The following SEMA6A variants were observed in gnomAD, a reference collection of about 807,000 sequenced individuals.
The protein encoded by SEMA6A is semaphorin-6A.
SEMA6A carries 25 observed loss-of-function variants against 96.8 expected under a neutral mutation model. The ratio of observed to expected loss-of-function variants is 0.26; its 90% CI spans 0.19 to 0.36. The LOEUF (loss-of-function observed/expected upper bound fraction) is 0.36, where lower values mean the gene tolerates loss of function less well. Among genes scored for constraint, SEMA6A ranks in the 10% least tolerant of loss-of-function variants. SEMA6A has a pLI of 1.00. For missense variants in SEMA6A, 1,363 were observed against 1,323.1 expected (o/e 1.03, Z -0.47); for synonymous variants, 612 against 518.0 (o/e 1.18, Z -2.46).
chr5:116,527,927 G>T (rs1303564603), intron 1 of SEMA6A, among the ~76,000 whole-genome samples: 1 of 150,890 alleles, frequency 6.6e-6, no homozygotes, highest in African/African-American at 2.5e-5. Context: ...CATATTAAAA[G>T]AAGAACAAAG....
chr5:116,551,635 C>CAG (rs1760413674), intron 1 of SEMA6A, among the ~76,000 whole-genome samples: 1 of 152,142 alleles, frequency 6.6e-6, no homozygotes, highest in Non-Finnish European at 1.5e-5. Flanking sequence ...CAGGCACTGG[C>CAG]TTCTCTGCAG....
intron 12 of SEMA6A, 38 bp from the exon 13 acceptor site, chr5:116,478,756 G>T (rs759545097): frequency 4.4e-6 from 7 of 1,596,166 alleles, no homozygotes; most frequent in African/African-American, 1.3e-5. Flanking sequence ...CTCTTTGTTG[G>T]TCTATCATTA....
Position 116,467,517 on chromosome 5 carries a change from T to C in SEMA6A, c.1894+66A>G, listed in dbSNP as rs989582082. On this transcript the variant is annotated intron_variant, in intron 18 of 18. Transcript: ENST00000343348. ...GCTGCCAAAATTCAGCTGGAAGCAG[T>C]TACACAGTCCTCCCCACTTTTCCCT... The C allele has an allele frequency of 7.4e-6, 11 of 1,488,856 alleles. No individual in the cohort carries two copies. In the Admixed American group the frequency reaches 2.5e-4, roughly 34 times the overall value. 92.2% of individuals were successfully genotyped at this position (1,488,856 alleles called of 1,614,324 possible).
At chr5:116,472,537 C>T (rs1290960821) in intron 17 of SEMA6A, 1 of 205,980 alleles carries the variant, frequency 4.9e-6, no homozygotes, top group Non-Finnish European at 9.6e-6. Flanking sequence ...AGCTGAGGAG[C>T]TATAGTCTAT....
intron 1 of SEMA6A, among the ~76,000 whole-genome samples, chr5:116,525,647 T>C (rs1043499672): frequency 6.6e-6 from 1 of 152,202 alleles, no homozygotes; most frequent in African/African-American, 2.4e-5. Flanking sequence ...AACGGCAGTT[T>C]GGTGTTTAAC....
chr5:116,485,322 C>A (rs1341631968), intron 10 of SEMA6A, among the ~76,000 whole-genome samples: 1 of 152,178 alleles, frequency 6.6e-6, no homozygotes, highest in Non-Finnish European at 1.5e-5. Context: ...AAAACTAGAA[C>A]TGGTCTTAGA....
At chr5:116,516,428 GC>G (rs1758672657) in intron 1 of SEMA6A, among the ~76,000 whole-genome samples, 1 of 151,934 alleles carries the variant, frequency 6.6e-6, no homozygotes, top group South Asian at 2.1e-4. Flanking sequence ...GTCTCAGTGA[GC>G]TCAGTGAAAA....
At chr5:116,558,448 C>CTTTTT (rs1008671132) in intron 1 of SEMA6A, among the ~76,000 whole-genome samples, 10 of 34,742 alleles carry the variant, frequency 2.9e-4, no homozygotes, top group Non-Finnish European at 3.4e-4. Context: ...TTTAAGGATT[C>CTTTTT]TTTTTTTTTT....
At chr5:116,477,955 C>T (rs997104656) in intron 14 of SEMA6A, 29 bp from the exon 15 acceptor site, 5 of 1,613,784 alleles carry the variant, frequency 3.1e-6, no homozygotes, top group African/African-American at 1.3e-5. Flanking sequence ...CATGAGCTAC[C>T]TAGGACTGTT....
In SEMA6A at chr5:116,533,900, G is replaced by T. The variant is rs77226737; in HGVS notation, c.-38-28918C>A. ...CTATGCTGGGAATTCATTCTCTCCA[G>T]CCTCCACAAGGCAGCCATCTCTATG... On this transcript the variant is annotated intron_variant, in intron 1 of 18. Transcript: ENST00000343348. Among the ~76,000 whole-genome samples, 1,516 of 152,256 alleles carry T rather than the reference G, an allele frequency of 1.0e-2. 16 individuals are homozygous for T. Among genetic ancestry groups the T allele is most frequent in the Non-Finnish European group, 0.015 (1,045 of 68,008 alleles).
chr5:116,546,213 T>C (rs1760178134), intron 1 of SEMA6A, among the ~76,000 whole-genome samples: 1 of 152,218 alleles, frequency 6.6e-6, no homozygotes, highest in Non-Finnish European at 1.5e-5. Context: ...TTGGGGCTCT[T>C]ACGCAAGTAC....
At chr5:116,474,999 A>G (rs1302518426) in intron 16 of SEMA6A, among the ~76,000 whole-genome samples, 2 of 152,224 alleles carry the variant, frequency 1.3e-5, no homozygotes, top group Non-Finnish European at 2.9e-5. Context: ...TAGTAGGCCA[A>G]TTCCTATAAA....
intron 3 of SEMA6A, among the ~76,000 whole-genome samples, chr5:116,501,310 C>T (rs1365382468): frequency 6.6e-6 from 1 of 152,104 alleles, no homozygotes; most frequent in Non-Finnish European, 1.5e-5. Flanking sequence ...TTATGTGATC[C>T]CTGTTTGAGC....
In SEMA6A at chr5:116,447,689, C is replaced by G; in HGVS notation, c.2017G>C (p.Val673Leu). 6.2e-7 allele frequency: 1 copy of G among 1,614,006 alleles called. No homozygotes were observed. The change falls in exon 19 of 19, where the codon GTC (valine) becomes CTC (leucine). Residue 673 changes from valine (V) to leucine (L), a missense_variant. By Grantham distance (32) the Val-to-Leu change is conservative (BLOSUM62 1). This residue lies in a region of SEMA6A where 883 missense variants were observed against 763.6 expected (regional missense o/e 1.16). Transcript: ENST00000343348. ...AVFSGITVYCVCDHRRKDVAV... is the reference protein window; with the variant it reads ...AVFSGITVYCLCDHRRKDVAV... ...ACGTCTTTGCGCCGATGATCACAGA[C>G]GCAGTAGACGGTGATGCCCGAGAAG...
At chr5:116,519,306 A>T (rs1213877334) in intron 1 of SEMA6A, among the ~76,000 whole-genome samples, 1 of 152,220 alleles carries the variant, frequency 6.6e-6, no homozygotes, top group Non-Finnish European at 1.5e-5. Flanking sequence ...AAGTAATTCT[A>T]TTCCAAAGGA....
At chr5:116,474,511 A>G (rs897272920) in intron 16 of SEMA6A, among the ~76,000 whole-genome samples, 1 of 152,200 alleles carries the variant, frequency 6.6e-6, no homozygotes, top group Non-Finnish European at 1.5e-5. Flanking sequence ...TTGCCAATAT[A>G]TAATATTTGT....
rs142801369 is a variant in SEMA6A, at chr5:116,536,941, A to C, written c.-38-31959T>G. Among the ~76,000 whole-genome samples, 1,073 of 149,926 alleles carry C rather than the reference A, an allele frequency of 7.2e-3. 14 individuals carry two copies. Among genetic ancestry groups the C allele is most frequent in the African/African-American group, 0.025 (1,003 of 40,664 alleles). On this transcript the variant is annotated intron_variant, in intron 1 of 18. Transcript: ENST00000343348. ...GCTGTACAAAGGCAGCACTTTGCTG[A>C]CTCCAAGTTCAAGACTCATGGGCTA...
At chr5:116,536,186 C>T (rs373897573) in intron 1 of SEMA6A, 2 of 152,246 alleles carry the variant, frequency 1.3e-5, no homozygotes, top group East Asian at 3.9e-4. Flanking sequence ...CCACCGCCAC[C>T]CTCAACCCCA....
In SEMA6A at chr5:116,447,034, G is replaced by A. The variant is rs185504747; in HGVS notation, c.2672C>T (p.Pro891Leu). ...ACCGGTCTGAGACAGGGAGGCTCCC[G>A]GGGGACCCAGGGAGGCCTCCCGCTG... ...VPQREASLGP[P>L]GASLSQTGLS... The change falls in exon 19 of 19, where the codon CCG becomes CTG. Residue 891 changes from proline to leucine, a missense_variant. This residue lies in a region of SEMA6A where 883 missense variants were observed against 763.6 expected (regional missense o/e 1.16). Coordinates refer to ENST00000343348, the MANE Select transcript of SEMA6A (RefSeq NM_020796.5). 3.6e-4 allele frequency: 582 copies of A among 1,613,868 alleles called. 4 individuals carry two copies. The highest frequency in any genetic ancestry group is 2.0e-3 in the Middle Eastern group (12 of 6,062).
Sources: allele counts gnomAD v4.1 joint callset (sites outside exome capture counted in the v4.1 genomes callset), GRCh38; gene constraint gnomAD v4.1.1; regional missense constraint gnomAD v4.1.1; transcripts MANE v1.5; gene names NCBI Gene and HGNC (gene_info 2026-07-23, HGNC 2026-07-21).